The following TF variants were observed in gnomAD, a reference collection of about 807,000 sequenced individuals.
TF encodes the protein transferrin, also known as serotransferrin.
In TF, 55 loss-of-function variants were observed where a neutral mutation model predicts 82.4. The ratio of observed to expected loss-of-function variants is 0.67; its 90% CI spans 0.54 to 0.84. TF has a LOEUF of 0.84. Ranked by LOEUF, TF falls within the 40% of genes least tolerant of loss-of-function variation. The pLI, the probability that TF is intolerant of heterozygous loss-of-function variation, is 0.00. For synonymous variants in TF, 332 were observed against 332.6 expected, an observed-to-expected ratio of 1.00 and a Z score of 0.02; for missense variants, 737 against 868.4, an observed-to-expected ratio of 0.85 and a Z score of 1.90.
the TF span, among the ~76,000 whole-genome samples, chr3:133,726,232 G>C: frequency 6.6e-6 from 1 of 152,164 alleles, no homozygotes; most frequent in Non-Finnish European, 1.5e-5. Context: ...AGAAGGAATG[G>C]TACCAGTTCC....
chr3:133,719,918 A>G, the TF span, among the ~76,000 whole-genome samples: 1 of 152,168 alleles, frequency 6.6e-6, no homozygotes, highest in Admixed American at 6.5e-5. Context: ...TTATTAGCGT[A>G]TGAAAATGAT....
At chr3:133,746,086 G>A (rs1323272079), upstream of TF, 1 of 433,766 alleles carries the variant, frequency 2.3e-6, no homozygotes, top group Non-Finnish European at 4.3e-6. Flanking sequence ...TGCAGCCCTG[G>A]AGTCAGGAGC....
intron 1 of TF, chr3:133,747,234 C>T (rs370808794): frequency 1.0e-4 from 16 of 153,762 alleles, no homozygotes; most frequent in East Asian, 3.9e-4. Context: ...AGAGAGGACC[C>T]CACGTTACTT....
upstream of TF, among the ~76,000 whole-genome samples, chr3:133,743,501 C>T (rs989986641): frequency 6.6e-6 from 1 of 152,026 alleles, no homozygotes; most frequent in African/African-American, 2.4e-5. Flanking sequence ...GAGGCAGTGT[C>T]CCTGGTGGAT....
At chr3:133,701,431 T>G in the TF span, among the ~76,000 whole-genome samples, 2 of 152,184 alleles carry the variant, frequency 1.3e-5, no homozygotes, top group Admixed American at 1.3e-4. Context: ...TATGGTTTAT[T>G]TCTTCCTTCT....
At chr3:133,693,335 GC>G in the TF span, among the ~76,000 whole-genome samples, 5,656 of 152,292 alleles carry the variant, frequency 0.037, 188 homozygotes, top group African/African-American at 0.085. Flanking sequence ...GGGTGACTGG[GC>G]TGGCACTAGG....
chr3:133,760,394 C>T (rs1349268949), intron 9 of TF: 2 of 152,532 alleles, frequency 1.3e-5, no homozygotes, highest in East Asian at 3.9e-4. Flanking sequence ...ATAGATATCA[C>T]TTTATGCTAT....
At chr3:133,718,185 G>T in the TF span, among the ~76,000 whole-genome samples, 1 of 152,118 alleles carries the variant, frequency 6.6e-6, no homozygotes, top group African/African-American at 2.4e-5. Context: ...GGAGAATAGG[G>T]TGGGATAAAT....
Position 133,756,948 on chromosome 3 carries a change from T to A in TF, c.809T>A (p.Val270Asp), listed in dbSNP as rs200512772. 49 of 1,614,002 alleles carry A rather than the reference T, an allele frequency of 3.0e-5. No individual in the cohort carries two copies. Among genetic ancestry groups the A allele is most frequent in the Middle Eastern group, 1.6e-4 (1 of 6,084 alleles). Residue 270 changes from valine (V) to aspartate (D), a missense_variant, in exon 7 of 17, where the codon GTC becomes GAC. Physicochemically the swap from Val to Asp is radical, Grantham distance 152. Coordinates refer to ENST00000402696, the MANE Select transcript of TF (RefSeq NM_001063.4). ...TTGGCCCAGGTCCCTTCTCATACCG[T>A]CGTGGCCCGAAGTATGGGCGGCAAG... ...CHLAQVPSHT[V>D]VARSMGGKED...
chr3:133,679,698 A>T, the TF span, among the ~76,000 whole-genome samples: 1 of 149,050 alleles, frequency 6.7e-6, no homozygotes, highest in African/African-American at 2.5e-5. Context: ...ACCACAGCTT[A>T]TTCACCCATT....
At chr3:133,749,960 G>A (rs955952665) in intron 2 of TF, among the ~76,000 whole-genome samples, 1 of 152,198 alleles carries the variant, frequency 6.6e-6, no homozygotes, top group African/African-American at 2.4e-5. Flanking sequence ...GAGGCCAGCT[G>A]TGTCTGATAG....
In TF at chr3:133,777,198, T is replaced by G; in HGVS notation, c.2022T>G (p.Tyr674Ter). 1 of 1,613,848 alleles carries G rather than the reference T, an allele frequency of 6.2e-7. No individual in the cohort carries two copies. The highest frequency in any genetic ancestry group is 8.5e-7 in the Non-Finnish European group (1 of 1,180,010). The stretch of plus-strand genomic sequence containing the variant: ...ATGAAAAATACTTAGGAGAAGAATA[T>G]GTCAAGGCTGTTGGTAACCTGAGAA... ...NTYEKYLGEE[Y>*]VKAVGNLRKC... Residue 674 changes from tyrosine to a stop codon, truncating the protein, a stop_gained, in exon 16 of 17, where the codon TAT becomes TAG. Coordinates refer to ENST00000402696, the MANE Select transcript of TF (RefSeq NM_001063.4). LOFTEE classifies it high-confidence loss of function.
chr3:133,774,901 CA>C, intron 14 of TF: 1 of 345,612 alleles, frequency 2.9e-6, no homozygotes, highest in Non-Finnish European at 5.7e-6. Context: ...AAAGAAGAGG[CA>C]AAGGGGCCGA....
intron 8 of TF, among the ~76,000 whole-genome samples, 164 bp downstream of exon 8, chr3:133,758,110 C>T (rs917938023): frequency 2.6e-5 from 4 of 152,192 alleles, no homozygotes; most frequent in Non-Finnish European, 5.9e-5. Flanking sequence ...TGGCGTTAGT[C>T]ATTATGAGAT....
the TF span, among the ~76,000 whole-genome samples, chr3:133,693,938 GA>G: frequency 2.0e-5 from 3 of 151,996 alleles, no homozygotes; most frequent in Non-Finnish European, 4.4e-5. Flanking sequence ...CCCTGCAGCG[GA>G]CAAGCTGGGG....
chr3:133,667,448 G>A, the TF span, among the ~76,000 whole-genome samples: 1 of 151,894 alleles, frequency 6.6e-6, no homozygotes, highest in South Asian at 2.1e-4. Flanking sequence ...ATAAACCTGA[G>A]AAAGGTTTTG....
chr3:133,751,393 C>T (rs1366557267), intron 2 of TF, among the ~76,000 whole-genome samples: 4 of 151,772 alleles, frequency 2.6e-5, no homozygotes, highest in African/African-American at 7.3e-5. Context: ...CCACCATGCC[C>T]GGCTAATTTT....
chr3:133,753,963 G>A (rs1046790587), intron 3 of TF: 1 of 579,044 alleles, frequency 1.7e-6, no homozygotes, highest in African/African-American at 1.9e-5. Context: ...AGCAGGCTGT[G>A]TGCAGCTTGA....
chr3:133,727,441 G>A, the TF span, among the ~76,000 whole-genome samples: 5 of 134,392 alleles, frequency 3.7e-5, no homozygotes, highest in Non-Finnish European at 6.4e-5. Context: ...ATCTTTGTTG[G>A]TTTAAAGTCT....
Sources: allele counts gnomAD v4.1 joint callset (sites outside exome capture counted in the v4.1 genomes callset), GRCh38; gene constraint gnomAD v4.1.1; transcripts MANE v1.5; gene names NCBI Gene and HGNC (gene_info 2026-07-23, HGNC 2026-07-21).